Variants in PPP2R2A observed in about 807,000 individuals in gnomAD.
PPP2R2A encodes the protein protein phosphatase 2 regulatory subunit Balpha, also known as serine/threonine-protein phosphatase 2A 55 kDa regulatory subunit B alpha isoform.
Under a neutral mutation model 53.2 loss-of-function variants are expected in PPP2R2A, and 9 were observed. The ratio of observed to expected loss-of-function variants is 0.17; its 90% confidence interval spans 0.10 to 0.30. PPP2R2A has a LOEUF of 0.30. PPP2R2A is among the 10% of genes least tolerant of loss of function. PPP2R2A has a pLI of 1.00. For missense variants in PPP2R2A, 235 were observed against 534.6 expected, an observed-to-expected ratio of 0.44 and a Z score of 5.53; for synonymous variants, 169 against 174.2, an observed-to-expected ratio of 0.97 and a Z score of 0.23.
intron 2 of PPP2R2A, among the ~76,000 whole-genome samples, chr8:26,325,835 A>AT (rs1319455081): frequency 4.6e-5 from 7 of 151,960 alleles, no homozygotes; most frequent in Non-Finnish European, 8.8e-5. Flanking sequence ...ATTTTTATTT[A>AT]TTTTTTATTA....
chr8:26,292,196 T>TC (rs1563276670), intron 1 of PPP2R2A: 26 of 1,123,290 alleles, frequency 2.3e-5, no homozygotes, highest in Non-Finnish European at 2.7e-5. Context: ...TATTTTTTTT[T>TC]CCTGCAGGTC....
intron 2 of PPP2R2A, among the ~76,000 whole-genome samples, chr8:26,316,396 C>T (rs1317256839): frequency 6.6e-6 from 1 of 152,132 alleles, no homozygotes; most frequent in Non-Finnish European, 1.5e-5. Context: ...AGATACTAAC[C>T]TGCATTTTTA....
intron 2 of PPP2R2A, among the ~76,000 whole-genome samples, chr8:26,318,364 G>A (rs972954801): frequency 1.3e-5 from 2 of 152,188 alleles, no homozygotes; most frequent in African/African-American, 2.4e-5. Flanking sequence ...TCAAGGTACG[G>A]TAATGGTGTT....
intron 2 of PPP2R2A, among the ~76,000 whole-genome samples, chr8:26,312,838 A>G (rs192800841): frequency 7.2e-4 from 110 of 152,238 alleles, no homozygotes; most frequent in African/African-American, 2.4e-3. Flanking sequence ...CTTACCAGCT[A>G]TCTAAGTTTA....
intron 2 of PPP2R2A, among the ~76,000 whole-genome samples, chr8:26,326,463 G>A (rs1336097504): frequency 1.3e-5 from 2 of 152,152 alleles, no homozygotes; most frequent in Non-Finnish European, 2.9e-5. Flanking sequence ...TTTTCAGTTT[G>A]TGGGTGAACT....
chr8:26,360,578 C>T lies in PPP2R2A; in HGVS notation c.459+297C>T, dbSNP rs911362333. ...AAGGTCAAGTTTCAAGATAAATTTT[C>T]TTTGGAAATCAAAAAAGTAGATACA... On this transcript the variant is annotated intron_variant, in intron 5 of 9. Transcript: ENST00000380737. This position sits in a 1 kb window ranked among gnomAD's most constrained non-coding sequence, Gnocchi z 4.5. The T allele has an allele frequency of 4.3e-5, 12 of 281,380 alleles. No homozygotes were observed. The highest frequency in any genetic ancestry group is 7.2e-5 in the Non-Finnish European group (11 of 153,782). The allele number at this position is 281,380 out of a possible 1,614,324, so 17.4% of individuals were successfully genotyped here.
At chr8:26,358,303 G>A (rs1050573236) in intron 4 of PPP2R2A, among the ~76,000 whole-genome samples, 2 of 152,088 alleles carry the variant, frequency 1.3e-5, no homozygotes, top group Non-Finnish European at 2.9e-5. Flanking sequence ...GGGGGCGGGG[G>A]TGTTGTCATC....
chr8:26,347,875 AGTT>A (rs1428123560), intron 3 of PPP2R2A, among the ~76,000 whole-genome samples: 1 of 150,830 alleles, frequency 6.6e-6, no homozygotes, highest in African/African-American at 2.5e-5. Flanking sequence ...CGTTATCATT[AGTT>A]TAGAGAAAGT....
chr8:26,301,488 A>G (rs1408718071), intron 2 of PPP2R2A, among the ~76,000 whole-genome samples: 5 of 151,612 alleles, frequency 3.3e-5, no homozygotes, highest in African/African-American at 1.2e-4. Flanking sequence ...ACAGGCCACC[A>G]CGCCCGGCTA....
At chr8:26,329,161 T>C (rs1803240448) in intron 2 of PPP2R2A, among the ~76,000 whole-genome samples, 1 of 152,232 alleles carries the variant, frequency 6.6e-6, no homozygotes, top group Admixed American at 6.5e-5. Flanking sequence ...GATTTAACCA[T>C]TGGCTATTAA....
chr8:26,312,100 G>A (rs955439856), intron 2 of PPP2R2A, among the ~76,000 whole-genome samples: 7 of 152,202 alleles, frequency 4.6e-5, no homozygotes, highest in Non-Finnish European at 8.8e-5. Context: ...TTTTATCAGA[G>A]TTTCAAGTAG....
Position 26,360,599 on chromosome 8 carries a change from A to T in PPP2R2A, c.459+318A>T, listed in dbSNP as rs1199120228. 7.0e-6 allele frequency: 2 copies of T among 284,014 alleles called. No homozygotes were observed. The highest frequency in any genetic ancestry group is 4.4e-5 in the African/African-American group (2 of 45,604). 17.6% of individuals were successfully genotyped at this position (284,014 alleles called of 1,614,324 possible). On this transcript the variant is annotated intron_variant, in intron 5 of 9. Transcript: ENST00000380737. The surrounding 1 kb of genome is among the most constrained non-coding windows in gnomAD (Gnocchi z 4.5). ...TTTTCTTTGGAAATCAAAAAAGTAGATACAGATCAAATCTTCTAGTTGTAG... is the reference window on the plus strand; with the variant it reads ...TTTTCTTTGGAAATCAAAAAAGTAGTTACAGATCAAATCTTCTAGTTGTAG...
chr8:26,336,035 T>G (rs1244897700), intron 2 of PPP2R2A, among the ~76,000 whole-genome samples: 1 of 152,202 alleles, frequency 6.6e-6, no homozygotes, highest in African/African-American at 2.4e-5. Context: ...AGTGATTACA[T>G]TATAACTGGT....
At chr8:26,346,506 G>A (rs1804222962) in intron 3 of PPP2R2A, among the ~76,000 whole-genome samples, 1 of 152,186 alleles carries the variant, frequency 6.6e-6, no homozygotes, top group South Asian at 2.1e-4. Flanking sequence ...TCAGTCATCT[G>A]CAGAGTTGTG....
chr8:26,368,336 G>C (rs1396472968), intron 9 of PPP2R2A, among the ~76,000 whole-genome samples: 1 of 152,176 alleles, frequency 6.6e-6, no homozygotes, highest in East Asian at 1.9e-4. Flanking sequence ...CCAGTATCCT[G>C]TAATCCTTAT....
At chr8:26,336,102 CT>C (rs1340476298) in intron 2 of PPP2R2A, among the ~76,000 whole-genome samples, 1 of 152,072 alleles carries the variant, frequency 6.6e-6, no homozygotes, top group Non-Finnish European at 1.5e-5. Context: ...TTACTTGATT[CT>C]TGTTCTGTCT....
At chr8:26,345,769 A>G (rs1483378128) in intron 3 of PPP2R2A, among the ~76,000 whole-genome samples, 1 of 152,018 alleles carries the variant, frequency 6.6e-6, no homozygotes, top group Non-Finnish European at 1.5e-5. Context: ...AAAATACATT[A>G]TTTCATTGGA....
Position 26,371,637 on chromosome 8 carries a change from C to A in PPP2R2A, c.*1224C>A, listed in dbSNP as rs1031006899. The A allele has an allele frequency of 6.6e-6, 1 of 152,132 alleles. No homozygotes were observed. Among genetic ancestry groups the A allele is most frequent in the Non-Finnish European group, 1.5e-5 (1 of 68,012 alleles). 9.4% of individuals were successfully genotyped at this position (152,132 alleles called of 1,614,324 possible). The stretch of plus-strand genomic sequence containing the variant: ...TACTTTTTTTGTATTTTACTGCTAT[C>A]AAATCAGAATGAAATATACTTTACC... On this transcript the variant is annotated 3_prime_UTR_variant, in exon 10 of 10. Transcript: ENST00000380737.
At chr8:26,301,504 T>A (rs113147511) in intron 2 of PPP2R2A, among the ~76,000 whole-genome samples, 2,905 of 152,088 alleles carry the variant, frequency 0.019, 80 homozygotes, top group African/African-American at 0.067. Context: ...GGCTAGTTTT[T>A]AAAAATTTTT....
Sources: allele counts gnomAD v4.1 joint callset (sites outside exome capture counted in the v4.1 genomes callset), GRCh38; gene constraint gnomAD v4.1.1; non-coding constraint Gnocchi (gnomAD v3.1); transcripts MANE v1.5; gene names NCBI Gene and HGNC (gene_info 2026-07-23, HGNC 2026-07-21).